CPS1: variants seen among roughly 807,000 people sequenced by gnomAD.
The protein encoded by CPS1 is carbamoyl-phosphate synthase [ammonia], mitochondrial.
CPS1 carries 109 observed loss-of-function variants against 174.6 expected under a neutral mutation model. The ratio of observed to expected loss-of-function variants is 0.62; its 90% CI spans 0.53 to 0.73. CPS1 has a LOEUF of 0.73. CPS1 is among the 30% of genes least tolerant of loss of function. The pLI is 0.00. For missense variants in CPS1, 1,689 were observed against 1,821.9 expected (o/e 0.93, Z 1.33); for synonymous variants, 637 against 632.0 (o/e 1.01, Z -0.12).
rs1348186322 is a variant in CPS1 at position 210,606,777 on chromosome 2, G to A, written c.2028G>A (p.Glu676=). The A allele has an allele frequency of 3.1e-6, 5 of 1,612,442 alleles. No homozygotes were observed. Among genetic ancestry groups the A allele is most frequent in the Non-Finnish European group, 4.2e-6 (5 of 1,179,076 alleles). ...VAPAQTLSNA[E]FQMLRRTSIN... ...CTGCCCAGACACTCTCCAATGCCGAGTTTCAGATGTTGAGACGTACTTCAA... is the reference window on the plus strand; with the variant it reads ...CTGCCCAGACACTCTCCAATGCCGAATTTCAGATGTTGAGACGTACTTCAA... Residue 676 remains glutamate (E), a synonymous_variant, in exon 18 of 38, where the codon GAG becomes GAA. Transcript: ENST00000233072.
rs767642664 is a variant in CPS1, at chr2:210,616,407, C to T, written c.2569-16C>T. The T allele has an allele frequency of 1.3e-6, 2 of 1,541,280 alleles. No individual in the cohort carries two copies. Among genetic ancestry groups the T allele is most frequent in the East Asian group, 4.5e-5 (2 of 44,446 alleles). On this transcript the variant is annotated splice_polypyrimidine_tract_variant and intron_variant, in intron 20 of 37. Coordinates refer to ENST00000233072, the MANE Select transcript of CPS1 (RefSeq NM_001875.5). Reference sequence around the variant, plus strand: ...AAAATGTTTGCCAAAGAAAGTATCTCTTCTCCTCTTGGCAGGCCATTGATG... The same window carrying T: ...AAAATGTTTGCCAAAGAAAGTATCTTTTCTCCTCTTGGCAGGCCATTGATG...
At chr2:210,482,166 C>G (rs181657187) in intron 1 of CPS1, among the ~76,000 whole-genome samples, 1 of 152,182 alleles carries the variant, frequency 6.6e-6, no homozygotes, top group Non-Finnish European at 1.5e-5. Flanking sequence ...CCCTGGGTAA[C>G]TCCGAGTTCG....
chr2:210,625,491 A>G (rs1699671738), intron 21 of CPS1, among the ~76,000 whole-genome samples: 1 of 152,066 alleles, frequency 6.6e-6, no homozygotes, highest in Non-Finnish European at 1.5e-5. Context: ...TCTCTATCCC[A>G]TATTTTATGA....
chr2:210,623,152 C>T (rs1331872274), intron 21 of CPS1, among the ~76,000 whole-genome samples: 2 of 152,040 alleles, frequency 1.3e-5, no homozygotes, highest in Non-Finnish European at 2.9e-5. Flanking sequence ...GGGCAATTTT[C>T]CTTCAATGGT....
intron 21 of CPS1, among the ~76,000 whole-genome samples, chr2:210,620,463 C>T (rs11680040): frequency 0.27 from 40,796 of 151,970 alleles, 6,840 homozygotes; most frequent in Middle Eastern, 0.41. Context: ...TTAGGCCATT[C>T]TTGCATTGCT....
At chr2:210,603,806 T>C (rs1235731850) in intron 16 of CPS1, among the ~76,000 whole-genome samples, 1 of 151,890 alleles carries the variant, frequency 6.6e-6, no homozygotes, top group Non-Finnish European at 1.5e-5. Context: ...AGTCATATCA[T>C]TATGTCCTAA....
chr2:210,676,978 T>C, intron 36 of CPS1, 29 bp from the exon 37 acceptor site: 1 of 1,607,726 alleles, frequency 6.2e-7, no homozygotes, highest in South Asian at 1.1e-5. Context: ...TATGCCTTGT[T>C]GTCTATAAGT....
At chr2:210,595,905 T>C (rs981879966) in intron 13 of CPS1, among the ~76,000 whole-genome samples, 1 of 151,956 alleles carries the variant, frequency 6.6e-6, no homozygotes, top group Non-Finnish European at 1.5e-5. Context: ...AATATACTTA[T>C]CTTTTATGTG....
At chr2:210,658,339 G>A (rs1700790972) in intron 30 of CPS1, 2 of 405,938 alleles carry the variant, frequency 4.9e-6, no homozygotes, top group Non-Finnish European at 9.3e-6. Context: ...TATAATTGTA[G>A]GTAGATAGGG....
intron 1 of CPS1, among the ~76,000 whole-genome samples, chr2:210,494,234 A>T (rs1337267748): frequency 2.0e-5 from 3 of 152,226 alleles, no homozygotes; most frequent in Non-Finnish European, 2.9e-5. Flanking sequence ...TGTTTCCTTT[A>T]TTTTCTAACT....
intron 11 of CPS1, chr2:210,593,296 A>G: frequency 9.3e-7 from 1 of 1,072,746 alleles, no homozygotes; most frequent in Non-Finnish European, 1.2e-6. Flanking sequence ...CATGACTGAA[A>G]TGAAATTTTA....
intron 1 of CPS1, among the ~76,000 whole-genome samples, chr2:210,508,368 C>T (rs1413123394): frequency 2.6e-5 from 4 of 151,664 alleles, no homozygotes; most frequent in African/African-American, 7.3e-5. Context: ...CTCTGGGACA[C>T]ATTCAAAGCA....
At chr2:210,616,177 G>T (rs768715683) in intron 20 of CPS1, among the ~76,000 whole-genome samples, 1 of 151,970 alleles carries the variant, frequency 6.6e-6, no homozygotes, top group Admixed American at 6.6e-5. Flanking sequence ...CCTGTTAGGA[G>T]ATTTTTCTGA....
At chr2:210,524,792 T>G (rs1695928284) in intron 1 of CPS1, among the ~76,000 whole-genome samples, 1 of 152,018 alleles carries the variant, frequency 6.6e-6, no homozygotes, top group African/African-American at 2.4e-5. Flanking sequence ...ACCTCAGAGC[T>G]TTACTAGTTC....
intron 14 of CPS1, among the ~76,000 whole-genome samples, chr2:210,600,005 T>C (rs142577999): frequency 6.6e-6 from 1 of 151,902 alleles, no homozygotes; most frequent in African/African-American, 2.4e-5. Context: ...TTCTGCTGAG[T>C]CTACTGCTTT....
Position 210,678,010 on chromosome 2 carries a change from A to G in CPS1, c.*25A>G. On this transcript the variant is annotated 3_prime_UTR_variant, in exon 38 of 38. Coordinates refer to ENST00000233072, the MANE Select transcript of CPS1 (RefSeq NM_001875.5). The stretch of plus-strand genomic sequence containing the variant: ...GAGATGCAGACACCCCAGCCCCATT[A>G]TTAAATCAACCTGAGCCACATGTTA... 1.9e-6 allele frequency: 3 copies of G among 1,541,840 alleles called. No individual in the cohort carries two copies. Among genetic ancestry groups the G allele is most frequent in the Non-Finnish European group, 2.7e-6 (3 of 1,114,142 alleles).
chr2:210,517,179 C>A (rs1447784002), intron 1 of CPS1, among the ~76,000 whole-genome samples: 1 of 151,922 alleles, frequency 6.6e-6, no homozygotes, highest in Non-Finnish European at 1.5e-5. Flanking sequence ...AAGACAAACA[C>A]ATTGAACTTT....
At chr2:210,676,922 G>A in intron 36 of CPS1, 85 bp from the exon 37 acceptor site, 1 of 1,366,970 alleles carries the variant, frequency 7.3e-7, no homozygotes, top group Non-Finnish European at 1.0e-6. Flanking sequence ...GACTTGAATG[G>A]CTAAGAGAGC....
At chr2:210,610,716 TAC>T (rs1699083606) in intron 19 of CPS1, among the ~76,000 whole-genome samples, 1 of 151,796 alleles carries the variant, frequency 6.6e-6, no homozygotes, top group African/African-American at 2.4e-5. Context: ...ATAGTGCCGC[TAC>T]ACTCCAGCCT....
Sources: gnomAD v4.1 joint callset for allele counts (sites outside exome capture counted in the v4.1 genomes callset) on GRCh38, gnomAD v4.1.1 for gene constraint, MANE v1.5 for transcripts, NCBI Gene and HGNC (gene_info 2026-07-23, HGNC 2026-07-21) for gene names.